RBM38: variants seen among roughly 807,000 people sequenced by gnomAD.
RBM38 encodes the protein RNA binding motif protein 38.
In RBM38, 11 loss-of-function variants were observed where a neutral mutation model predicts 23.5. The ratio of observed to expected loss-of-function variants is 0.47; its 90% CI spans 0.29 to 0.77. RBM38 has a LOEUF of 0.77. Among genes scored for constraint, RBM38 ranks in the 30% least tolerant of loss-of-function variants. RBM38 has a pLI of 0.08. For missense variants in RBM38, 330 were observed against 351.9 expected (o/e 0.94, Z 0.50); for synonymous variants, 165 against 166.1 (o/e 0.99, Z 0.05).
intron 3 of RBM38, among the ~76,000 whole-genome samples, chr20:57,394,525 C>A (rs188020427): frequency 6.6e-6 from 1 of 152,140 alleles, no homozygotes; most frequent in Non-Finnish European, 1.5e-5. Flanking sequence ...CGGGGCCCTT[C>A]TAGCCTGTGC....
chr20:57,399,188 C>T (rs1365516061), intron 3 of RBM38, among the ~76,000 whole-genome samples: 1 of 152,184 alleles, frequency 6.6e-6, no homozygotes, highest in Non-Finnish European at 1.5e-5. Flanking sequence ...AGCCTCAGCT[C>T]CTAGAGGACT....
In RBM38 at chr20:57,393,314, T is replaced by A. The variant is rs1295854625; in HGVS notation, c.397T>A (p.Leu133Met). The change falls in exon 3 of 4, where the codon TTG becomes ATG. Residue 133 changes from leucine (L) to methionine (M), a missense_variant. Coordinates refer to ENST00000356208, the MANE Select transcript of RBM38 (RefSeq NM_017495.6). ...TGGGGTGCAGCAGCTGCACCCCACC[T>A]TGATCCAGCGGACTTACGGGTGAGT... is the stretch of plus-strand genomic sequence containing the variant. ...AIGVQQLHPT[L>M]IQRTYGLTPH... 3.5e-5 allele frequency: 56 copies of A among 1,613,700 alleles called. No individual in the cohort carries two copies. In the East Asian group the frequency reaches 1.2e-3, roughly 36 times the overall value.
At chr20:57,406,892 G>C (rs1010880625) in intron 3 of RBM38, among the ~76,000 whole-genome samples, 2 of 152,044 alleles carry the variant, frequency 1.3e-5, no homozygotes, top group Non-Finnish European at 2.9e-5. Context: ...TACTCAGGAG[G>C]CTGAGGCAGG....
rs1600762257 is a variant in RBM38 at position 57,408,210 on chromosome 20, A to G, written c.*364A>G. 2.7e-6 allele frequency: 1 copy of G among 373,754 alleles called. No individual in the cohort carries two copies. The highest frequency in any genetic ancestry group is 3.9e-5 in the Admixed American group (1 of 25,658). 23.2% of individuals were successfully genotyped at this position (373,754 alleles called of 1,614,324 possible). Reference sequence around the variant, plus strand: ...GCTGCATCGTGGCGGGGTGTCACAGACCCTCTGCAGCCCCTGGCTGCCCTG... The same window carrying G: ...GCTGCATCGTGGCGGGGTGTCACAGGCCCTCTGCAGCCCCTGGCTGCCCTG... On this transcript the variant is annotated 3_prime_UTR_variant, in exon 4 of 4. Transcript: ENST00000356208.
chr20:57,397,899 T>C (rs922121783), intron 3 of RBM38, among the ~76,000 whole-genome samples: 6 of 152,196 alleles, frequency 3.9e-5, no homozygotes, highest in African/African-American at 1.2e-4. Context: ...AATGAGTGCC[T>C]GCGTGGGGAC....
chr20:57,399,723 C>A (rs6128020), intron 3 of RBM38, among the ~76,000 whole-genome samples: 1 of 151,976 alleles, frequency 6.6e-6, no homozygotes, highest in Non-Finnish European at 1.5e-5. Context: ...CGGCCCTCCC[C>A]CTCACAAGTC....
intron 3 of RBM38, among the ~76,000 whole-genome samples, chr20:57,396,845 C>G (rs2067279811): frequency 6.6e-6 from 1 of 152,230 alleles, no homozygotes; most frequent in Non-Finnish European, 1.5e-5. Context: ...CCAGACATCC[C>G]ACCCACGTTC....
rs996637010 is a variant in RBM38, at chr20:57,402,339, A to G, written c.417-5204A>G. Among the ~76,000 whole-genome samples, 13 of 152,270 alleles carry G rather than the reference A, an allele frequency of 8.5e-5. 1 individual carries two copies. The highest frequency in any genetic ancestry group is 2.6e-4 in the African/African-American group (11 of 41,554). ...GCCACGCCACTGCGCCCGCCTGGAGAGTCGGTGATGAAGGAGAGGGAGGAT... is the reference window on the plus strand; with the variant it reads ...GCCACGCCACTGCGCCCGCCTGGAGGGTCGGTGATGAAGGAGAGGGAGGAT... On this transcript the variant is annotated intron_variant, in intron 3 of 3. Coordinates refer to ENST00000356208, the MANE Select transcript of RBM38 (RefSeq NM_017495.6).
intron 3 of RBM38, among the ~76,000 whole-genome samples, chr20:57,393,887 T>C (rs1298776291): frequency 6.6e-6 from 1 of 152,090 alleles, no homozygotes; most frequent in Non-Finnish European, 1.5e-5. Context: ...CTAGTCTGAC[T>C]CATTTACAAG....
chr20:57,395,467 G>T (rs988328538), intron 3 of RBM38, among the ~76,000 whole-genome samples: 3 of 152,202 alleles, frequency 2.0e-5, no homozygotes, highest in African/African-American at 7.2e-5. Flanking sequence ...ACGGTGTTTT[G>T]TAACTAAATC....
intron 3 of RBM38, among the ~76,000 whole-genome samples, chr20:57,401,666 G>A (rs73917117): frequency 0.018 from 2,727 of 152,320 alleles, 80 homozygotes; most frequent in African/African-American, 0.063. Context: ...AAACAGAGCC[G>A]CCTGGGTGGA....
chr20:57,402,770 TTC>T (rs1252113037), intron 3 of RBM38, among the ~76,000 whole-genome samples: 3 of 152,258 alleles, frequency 2.0e-5, no homozygotes, highest in Non-Finnish European at 2.9e-5. Flanking sequence ...GGCTGCATTT[TTC>T]TTTCTCACCT....
intron 3 of RBM38, among the ~76,000 whole-genome samples, chr20:57,394,436 C>T (rs328491): frequency 0.55 from 83,882 of 151,962 alleles, 24,997 homozygotes; most frequent in East Asian, 0.95. Flanking sequence ...GGCTCCCTGC[C>T]GGCTTCCGTG....
chr20:57,392,365 C>T (rs1373118655), intron 1 of RBM38: 8 of 1,463,086 alleles, frequency 5.5e-6, no homozygotes, highest in Non-Finnish European at 6.4e-6. Context: ...CCCAAGCTCC[C>T]TTCGGGGTTC....
In RBM38 at chr20:57,408,043, T is replaced by TA. The variant is rs1491196318; in HGVS notation, c.*197_*198insA. ...GGCTTCTCTTTAATCTAGGTCCCAT[T>TA]GTGTCTTGAGGGAGGACTTTAAGAA... On this transcript the variant is annotated 3_prime_UTR_variant, in exon 4 of 4. Coordinates refer to ENST00000356208, the MANE Select transcript of RBM38 (RefSeq NM_017495.6). 1.5e-6 allele frequency: 1 copy of TA among 652,348 alleles called. No homozygotes were observed. Among genetic ancestry groups the TA allele is most frequent in the Non-Finnish European group, 2.6e-6 (1 of 385,124 alleles). 40.4% of individuals were successfully genotyped at this position (652,348 alleles called of 1,614,324 possible).
chr20:57,406,329 C>T (rs185714269), intron 3 of RBM38, among the ~76,000 whole-genome samples: 45 of 152,252 alleles, frequency 3.0e-4, no homozygotes, highest in Middle Eastern at 3.4e-3. Flanking sequence ...GTATGGCCAG[C>T]CCACAGCAGG....
At chr20:57,392,920 C>A in intron 2 of RBM38, 143 bp downstream of exon 2, 2 of 1,144,750 alleles carry the variant, frequency 1.7e-6, no homozygotes, top group Non-Finnish European at 1.2e-6. Flanking sequence ...ACAGGGCAGC[C>A]ATCCCCCCCT....
At position 57,401,323 on chromosome 20, in the gene RBM38, G is replaced by A. The variant is rs138369788; in HGVS notation, c.417-6220G>A. ...CCCGGGGCCGCCAGGCACCTGGTCGGGGAGCAGAGGCTGGCGGGCTGTGCC... is the reference window on the plus strand; with the variant it reads ...CCCGGGGCCGCCAGGCACCTGGTCGAGGAGCAGAGGCTGGCGGGCTGTGCC... On this transcript the variant is annotated intron_variant, in intron 3 of 3. Transcript: ENST00000356208. Among the ~76,000 whole-genome samples the A allele has an allele frequency of 6.5e-3, 997 of 152,304 alleles. 13 individuals are homozygous for A. The highest frequency in any genetic ancestry group is 0.018 in the African/African-American group (732 of 41,552).
At chr20:57,393,207 C>G in intron 2 of RBM38, 72 bp from the exon 3 acceptor site, 1 of 1,443,884 alleles carries the variant, frequency 6.9e-7, no homozygotes, top group Non-Finnish European at 9.7e-7. Context: ...TGGGATTCTG[C>G]CACCCTGTGT....
Sources: allele counts gnomAD v4.1 joint callset (sites outside exome capture counted in the v4.1 genomes callset), GRCh38; gene constraint gnomAD v4.1.1; transcripts MANE v1.5; gene names NCBI Gene and HGNC (gene_info 2026-07-23, HGNC 2026-07-21).